Variants in GPR158 observed in about 807,000 individuals in gnomAD.
The protein encoded by GPR158 is G protein-coupled receptor 158.
A neutral mutation model predicts 78.2 loss-of-function variants in GPR158; 30 were observed. The observed-to-expected ratio is 0.38, with a 90% CI of 0.29 to 0.52. The LOEUF (loss-of-function observed/expected upper bound fraction) is 0.52. GPR158 is among the 20% of genes least tolerant of loss of function. The probability of loss-of-function intolerance (pLI) is 0.83; values close to 1 mark genes in which losing one functional copy is unlikely to be tolerated. For synonymous variants in GPR158, 581 were observed against 591.1 expected (o/e 0.98, Z 0.25); for missense variants, 1,463 against 1,523.5 (o/e 0.96, Z 0.66).
chr10:25,577,858 A>AAAAAT (rs1837125764), intron 7 of GPR158, among the ~76,000 whole-genome samples: 2 of 142,408 alleles, frequency 1.4e-5, no homozygotes, highest in Admixed American at 1.4e-4. Flanking sequence ...CTGTGTATAA[A>AAAAAT]AAAATAAGGT....
chr10:25,251,172 G>C (rs376662372), intron 2 of GPR158, among the ~76,000 whole-genome samples: 15 of 152,072 alleles, frequency 9.9e-5, no homozygotes, highest in African/African-American at 2.2e-4. Flanking sequence ...CTTGGTAGAT[G>C]TTCCTCCATC....
chr10:25,549,366 G>A (rs1174717830), intron 5 of GPR158, among the ~76,000 whole-genome samples: 1 of 151,960 alleles, frequency 6.6e-6, no homozygotes, highest in South Asian at 2.1e-4. Flanking sequence ...GAACTACTAT[G>A]CAAAGAAATA....
intron 1 of GPR158, among the ~76,000 whole-genome samples, chr10:25,188,179 A>G (rs893955681): frequency 1.3e-5 from 2 of 152,208 alleles, no homozygotes; most frequent in Non-Finnish European, 2.9e-5. Flanking sequence ...GGATAGGAAG[A>G]ATCAATATCA....
At chr10:25,467,738 A>G (rs924478497) in intron 5 of GPR158, among the ~76,000 whole-genome samples, 2 of 152,132 alleles carry the variant, frequency 1.3e-5, no homozygotes, top group African/African-American at 4.8e-5. Flanking sequence ...AGCAGAGAAC[A>G]GTACACTTGG....
intron 1 of GPR158, among the ~76,000 whole-genome samples, chr10:25,178,552 A>G (rs1046681029): frequency 2.6e-5 from 4 of 151,890 alleles, no homozygotes; most frequent in Admixed American, 2.6e-4. Context: ...CTGTTTTTTC[A>G]CTCTGTTTAG....
At chr10:25,296,718 C>T (rs892839551) in intron 2 of GPR158, among the ~76,000 whole-genome samples, 2 of 152,180 alleles carry the variant, frequency 1.3e-5, no homozygotes, top group South Asian at 2.1e-4. Context: ...ATTTACCTCT[C>T]ATAATGATAT....
At chr10:25,430,083 A>G (rs1834879777) in intron 4 of GPR158, among the ~76,000 whole-genome samples, 1 of 150,172 alleles carries the variant, frequency 6.7e-6, no homozygotes, top group Admixed American at 6.6e-5. Flanking sequence ...CCCTGTTTGC[A>G]GATGACATGA....
intron 5 of GPR158, among the ~76,000 whole-genome samples, chr10:25,538,252 T>A (rs1433375774): frequency 1.3e-5 from 2 of 152,064 alleles, no homozygotes; most frequent in Admixed American, 1.3e-4. Flanking sequence ...TTTTGGCAAT[T>A]ATAGAGAACA....
intron 2 of GPR158, among the ~76,000 whole-genome samples, chr10:25,289,850 T>A (rs1463673549): frequency 2.0e-5 from 3 of 152,202 alleles, no homozygotes; most frequent in Admixed American, 1.3e-4. Flanking sequence ...TTGAAAACCA[T>A]CATGTTACAG....
At chr10:25,185,918 A>C (rs1003794337) in intron 1 of GPR158, among the ~76,000 whole-genome samples, 3 of 152,224 alleles carry the variant, frequency 2.0e-5, no homozygotes, top group Non-Finnish European at 4.4e-5. Context: ...ACAACAGAAT[A>C]TACATTCTTC....
rs1837309572 is a variant in GPR158 at position 25,589,209 on chromosome 10, A to G, written c.1892+64A>G. 7 of 1,163,256 alleles carry G rather than the reference A, an allele frequency of 6.0e-6. No homozygotes were observed. The Admixed American group carries it at 1.2e-4, about 21-fold the overall frequency. The allele number at this position is 1,163,256 out of a possible 1,614,324, so 72.1% of individuals were successfully genotyped here. A position where few individuals can be genotyped will look rare whatever the true frequency, so the allele number is the denominator to read the frequency against. The stretch of plus-strand genomic sequence containing the variant: ...TTTCTGATGTGTTGCTGTTTAAATA[A>G]CAAAATTAGATAAGATGCATAATAG... On this transcript the variant is annotated intron_variant, in intron 8 of 10. Coordinates refer to ENST00000376351, the MANE Select transcript of GPR158 (RefSeq NM_020752.3).
intron 2 of GPR158, among the ~76,000 whole-genome samples, chr10:25,328,747 T>G (rs954574935): frequency 1.3e-5 from 2 of 151,866 alleles, no homozygotes; most frequent in Non-Finnish European, 2.9e-5. Context: ...GTCAACATGA[T>G]GAAACCCCGT....
At chr10:25,472,290 T>C (rs922787298) in intron 5 of GPR158, among the ~76,000 whole-genome samples, 3 of 152,046 alleles carry the variant, frequency 2.0e-5, no homozygotes, top group African/African-American at 7.2e-5. Flanking sequence ...TGGTATTATT[T>C]CTGAGGGCTC....
At chr10:25,276,899 T>C (rs2130748943) in intron 2 of GPR158, among the ~76,000 whole-genome samples, 1 of 151,786 alleles carries the variant, frequency 6.6e-6, no homozygotes, top group South Asian at 2.1e-4. Context: ...AGTTAGATCC[T>C]AGAGACATTT....
chr10:25,344,483 A>G (rs945064374), intron 2 of GPR158, among the ~76,000 whole-genome samples: 1 of 151,882 alleles, frequency 6.6e-6, no homozygotes, highest in Non-Finnish European at 1.5e-5. Context: ...TACACAATAG[A>G]TCTCTTGAAT....
intron 5 of GPR158, among the ~76,000 whole-genome samples, chr10:25,512,518 C>T (rs1029919427): frequency 2.6e-5 from 4 of 152,034 alleles, no homozygotes; most frequent in Non-Finnish European, 5.9e-5. Context: ...TTTTGATGCC[C>T]TTTATTTCTT....
chr10:25,314,842 T>TC (rs58030888), intron 2 of GPR158, among the ~76,000 whole-genome samples: 8,144 of 118,472 alleles, frequency 0.069, 690 homozygotes, highest in African/African-American at 0.23. Context: ...CATATACACG[T>TC]ATATACATAC....
At chr10:25,514,395 T>C (rs1471381059) in intron 5 of GPR158, among the ~76,000 whole-genome samples, 2 of 152,132 alleles carry the variant, frequency 1.3e-5, no homozygotes, top group African/African-American at 4.8e-5. Flanking sequence ...TTTATGTGAG[T>C]CCTTATATGT....
chr10:25,264,796 C>T (rs1854020228), intron 2 of GPR158, among the ~76,000 whole-genome samples: 1 of 152,166 alleles, frequency 6.6e-6, no homozygotes, highest in South Asian at 2.1e-4. Flanking sequence ...TGAAACTTGT[C>T]ACAGTGGTAC....
Sources: gnomAD v4.1 joint callset for allele counts (sites outside exome capture counted in the v4.1 genomes callset) on GRCh38, gnomAD v4.1.1 for gene constraint, MANE v1.5 for transcripts, NCBI Gene and HGNC (gene_info 2026-07-23, HGNC 2026-07-21) for gene names.